The following WNT7B variants were observed in gnomAD, a reference collection of about 807,000 sequenced individuals.
The protein encoded by WNT7B is Wnt family member 7B, also known as protein Wnt-7b.
In WNT7B, 19 loss-of-function variants were observed where a neutral mutation model predicts 38.2. The ratio of observed to expected loss-of-function variants is 0.50; its 90% confidence interval spans 0.35 to 0.73. WNT7B has a LOEUF of 0.73. WNT7B is among the 30% of genes least tolerant of loss of function. WNT7B has a pLI of 0.01. For missense variants in WNT7B, 423 were observed against 507.9 expected, an observed-to-expected ratio of 0.83 and a Z score of 1.61; for synonymous variants, 243 against 209.3, an observed-to-expected ratio of 1.16 and a Z score of -1.39.
chr22:45,929,130 G>A (rs557867064), intron 3 of WNT7B, among the ~76,000 whole-genome samples: 17 of 152,282 alleles, frequency 1.1e-4, no homozygotes, highest in African/African-American at 3.9e-4. Context: ...CGAGGATGGT[G>A]GTGGTTCCCA....
At chr22:45,950,243 C>A in intron 1 of WNT7B, 97 bp from the exon 2 acceptor site, 1 of 1,043,872 alleles carries the variant, frequency 9.6e-7, no homozygotes. Context: ...CAGTCACAGG[C>A]CCTGCACTAG....
chr22:45,934,273 A>AGG (rs1931456276), intron 2 of WNT7B, among the ~76,000 whole-genome samples: 2 of 152,034 alleles, frequency 1.3e-5, no homozygotes, highest in Non-Finnish European at 2.9e-5. Flanking sequence ...GGCCTCTCTG[A>AGG]GGCTAAGGTG....
chr22:45,929,655 TCCACCCACCCGC>T (rs1180720667), intron 3 of WNT7B, among the ~76,000 whole-genome samples: 2 of 114,420 alleles, frequency 1.7e-5, no homozygotes, highest in African/African-American at 7.6e-5. Flanking sequence ...CATCCATCCT[TCCACCCACCCGC>T]CCATCCTTCC....
At chr22:45,928,018 C>T (rs1275857214) in intron 3 of WNT7B, among the ~76,000 whole-genome samples, 1 of 152,192 alleles carries the variant, frequency 6.6e-6, no homozygotes, top group Non-Finnish European at 1.5e-5. Context: ...CTGCGAGAGC[C>T]AGGAAGTCTC....
chr22:45,954,975 C>T (rs1013405597), intron 1 of WNT7B, among the ~76,000 whole-genome samples: 5 of 152,252 alleles, frequency 3.3e-5, no homozygotes, highest in Non-Finnish European at 5.9e-5. Context: ...CTGAATCCAG[C>T]ACTCAGGTAG....
At chr22:45,972,112 G>A (rs1932456891) in intron 1 of WNT7B, 3 of 572,888 alleles carry the variant, frequency 5.2e-6, no homozygotes, top group Admixed American at 3.4e-5. Context: ...GAGGCCCGGG[G>A]GGAGCCCACC....
At chr22:45,958,397 C>T (rs976158316) in intron 1 of WNT7B, among the ~76,000 whole-genome samples, 1 of 152,192 alleles carries the variant, frequency 6.6e-6, no homozygotes, top group African/African-American at 2.4e-5. Flanking sequence ...CTCTCCCCGA[C>T]ACCCCTGTTG....
chr22:45,938,149 T>C (rs1931557398), intron 2 of WNT7B, among the ~76,000 whole-genome samples: 1 of 152,140 alleles, frequency 6.6e-6, no homozygotes, highest in Admixed American at 6.5e-5. Flanking sequence ...TGAAAAAGAA[T>C]GAAACCCTGT....
intron 1 of WNT7B, among the ~76,000 whole-genome samples, chr22:45,968,245 G>A (rs1229944779): frequency 5.9e-5 from 9 of 152,020 alleles, no homozygotes; most frequent in African/African-American, 2.2e-4. Context: ...GCCCTAGGGG[G>A]TCCACCACTC....
intron 2 of WNT7B, among the ~76,000 whole-genome samples, chr22:45,942,591 C>T (rs1051481935): frequency 1.3e-5 from 2 of 152,232 alleles, no homozygotes; most frequent in Non-Finnish European, 2.9e-5. Flanking sequence ...CTGGACCAGC[C>T]GGGGCCAAGG....
intron 2 of WNT7B, among the ~76,000 whole-genome samples, chr22:45,942,785 A>G (rs370177586): frequency 8.0e-4 from 122 of 152,254 alleles, no homozygotes; most frequent in African/African-American, 2.8e-3. Flanking sequence ...TTTTATTAAT[A>G]TTACCCGTCT....
At position 45,927,631 on chromosome 22, in the gene WNT7B, C is replaced by T. The variant is rs1489386321; in HGVS notation, c.570+3467G>A. ...TGGAACAGGGCCAGGTGCAGTGGCTCACACCTGTAATCCAAGCACTTTGGG... is the reference window on the plus strand; with the variant it reads ...TGGAACAGGGCCAGGTGCAGTGGCTTACACCTGTAATCCAAGCACTTTGGG... On this transcript the variant is annotated intron_variant, in intron 3 of 3. Transcript: ENST00000339464. The T allele has an allele frequency of 3.0e-5, 24 of 808,820 alleles. No individual in the cohort carries two copies. In the East Asian group the frequency reaches 5.8e-4, roughly 20 times the overall value. 50.1% of individuals were successfully genotyped at this position (808,820 alleles called of 1,614,324 possible).
At chr22:45,930,846 A>G (rs1931324592) in intron 3 of WNT7B, among the ~76,000 whole-genome samples, 1 of 152,070 alleles carries the variant, frequency 6.6e-6, no homozygotes, top group Admixed American at 6.5e-5. Flanking sequence ...TGGAGTCCCC[A>G]TCTTCCCTGG....
At chr22:45,938,019 T>A (rs1404273256) in intron 2 of WNT7B, among the ~76,000 whole-genome samples, 1 of 151,260 alleles carries the variant, frequency 6.6e-6, no homozygotes, top group Non-Finnish European at 1.5e-5. Flanking sequence ...AAAAAAAAAA[T>A]GACATTTTCT....
rs1227423985 is a variant in WNT7B, at chr22:45,969,216, C to CCA, written c.71+7466_71+7467dup. On this transcript the variant is annotated intron_variant, in intron 1 of 3. Transcript: ENST00000339464. ...CCGTGGTAAGTGCCCCCCCACCCTG[C>CCA]CACAGCCAGGTGGTCGGTGAGTAAC... Among the ~76,000 whole-genome samples, 17 of 152,340 alleles carry CCA rather than the reference C, an allele frequency of 1.1e-4. No homozygotes were observed. In the South Asian group the frequency reaches 3.5e-3, roughly 32 times the overall value.
chr22:45,947,032 C>G (rs1353083976), intron 2 of WNT7B, among the ~76,000 whole-genome samples: 1 of 152,210 alleles, frequency 6.6e-6, no homozygotes, highest in Non-Finnish European at 1.5e-5. Context: ...AGCTCCCAGC[C>G]CATGCCAGGG....
intron 3 of WNT7B, chr22:45,927,372 G>A (rs1168396558): frequency 4.7e-6 from 7 of 1,494,912 alleles, no homozygotes; most frequent in Non-Finnish European, 5.4e-6. Context: ...GCGGGGGCGG[G>A]CCTCCAGACT....
At chr22:45,941,276 A>G (rs146169108) in intron 2 of WNT7B, among the ~76,000 whole-genome samples, 1,949 of 152,268 alleles carry the variant, frequency 0.013, 16 homozygotes, top group Middle Eastern at 0.034. Flanking sequence ...TTGGGAGGCT[A>G]AGGCGGGCGG....
At chr22:45,929,021 G>A (rs148180666) in intron 3 of WNT7B, among the ~76,000 whole-genome samples, 1 of 152,306 alleles carries the variant, frequency 6.6e-6, no homozygotes, top group African/African-American at 2.4e-5. Context: ...TGCTCACTCT[G>A]AGCCTCACTC....
Sources: gnomAD v4.1 joint callset for allele counts (sites outside exome capture counted in the v4.1 genomes callset) on GRCh38, gnomAD v4.1.1 for gene constraint, MANE v1.5 for transcripts, NCBI Gene and HGNC (gene_info 2026-07-23, HGNC 2026-07-21) for gene names.